Variants in NTM observed in about 807,000 individuals in gnomAD.
NTM encodes the protein IgLON family member 2.
Under a neutral mutation model 42.1 loss-of-function variants are expected in NTM, and 13 were observed. The observed-to-expected ratio is 0.31, with a 90% confidence interval of 0.20 to 0.49. The LOEUF (loss-of-function observed/expected upper bound fraction) is 0.49. Ranked by LOEUF, NTM falls within the 20% of genes least tolerant of loss-of-function variation. The pLI, the probability that NTM is intolerant of heterozygous loss-of-function variation, is 0.99. For missense variants in NTM, 373 were observed against 452.8 expected (o/e 0.82, Z 1.60); for synonymous variants, 187 against 179.2 (o/e 1.04, Z -0.35).
intron 2 of NTM, among the ~76,000 whole-genome samples, chr11:132,056,405 A>T (rs1304165293): frequency 6.6e-6 from 1 of 152,216 alleles, no homozygotes; most frequent in East Asian, 1.9e-4. Flanking sequence ...GAGATGTCCA[A>T]TACCTAAAAA....
chr11:131,837,044 T>C (rs2043590479), intron 1 of NTM, among the ~76,000 whole-genome samples: 1 of 152,200 alleles, frequency 6.6e-6, no homozygotes, highest in South Asian at 2.1e-4. Context: ...ATTTTTCACT[T>C]TGTCCTTAAA....
chr11:131,954,218 T>C (rs935608256), intron 2 of NTM, among the ~76,000 whole-genome samples: 7 of 152,194 alleles, frequency 4.6e-5, no homozygotes, highest in Admixed American at 4.6e-4. Context: ...GCATTGTAAG[T>C]AGCACAGGAC....
intron 2 of NTM, among the ~76,000 whole-genome samples, chr11:132,019,882 GGT>G (rs1266483214): frequency 6.6e-6 from 1 of 151,366 alleles, no homozygotes; most frequent in Non-Finnish European, 1.5e-5. Flanking sequence ...TACATGTGCA[GGT>G]TTGTTACAAA....
At chr11:131,646,790 A>G (rs1242778671) in intron 1 of NTM, among the ~76,000 whole-genome samples, 2 of 152,156 alleles carry the variant, frequency 1.3e-5, no homozygotes, top group African/African-American at 4.8e-5. Context: ...CCTTATCAAC[A>G]TTTGGAGTTT....
At chr11:132,224,839 A>T (rs2138923649) in intron 4 of NTM, among the ~76,000 whole-genome samples, 1 of 152,326 alleles carries the variant, frequency 6.6e-6, no homozygotes, top group South Asian at 2.1e-4. Flanking sequence ...GTGAGGGTGG[A>T]GGACAGGCTG....
intron 2 of NTM, among the ~76,000 whole-genome samples, chr11:132,099,784 A>T (rs1229760116): frequency 6.6e-6 from 1 of 152,204 alleles, no homozygotes; most frequent in Admixed American, 6.5e-5. Flanking sequence ...TTTGAGGAGA[A>T]GGTCAGGTGC....
At chr11:132,000,960 A>C (rs2069098884) in intron 2 of NTM, among the ~76,000 whole-genome samples, 1 of 152,208 alleles carries the variant, frequency 6.6e-6, no homozygotes, top group African/African-American at 2.4e-5. Context: ...AGATAAAGCG[A>C]AGTAGGAAAT....
intron 1 of NTM, among the ~76,000 whole-genome samples, chr11:131,811,396 GTGTGCACATCCCAC>G (rs2092723602): frequency 6.6e-6 from 1 of 152,180 alleles, no homozygotes; most frequent in Non-Finnish European, 1.5e-5. Flanking sequence ...CAGGATTTCA[GTGTGCACATCCCAC>G]TGACCACTAC....
chr11:132,315,352 C>A (rs2095400810), intron 7 of NTM, among the ~76,000 whole-genome samples: 1 of 152,196 alleles, frequency 6.6e-6, no homozygotes, highest in Non-Finnish European at 1.5e-5. Context: ...GACAGCTGTG[C>A]AGACATGAGC....
At chr11:132,320,261 G>A (rs1429140788) in intron 7 of NTM, among the ~76,000 whole-genome samples, 1 of 152,216 alleles carries the variant, frequency 6.6e-6, no homozygotes, top group African/African-American at 2.4e-5. Flanking sequence ...TCCATCTGAG[G>A]TACTGGGTTC....
At chr11:132,263,551 A>G (rs2092999794) in intron 4 of NTM, among the ~76,000 whole-genome samples, 2 of 152,214 alleles carry the variant, frequency 1.3e-5, no homozygotes, top group Middle Eastern at 3.2e-3. Flanking sequence ...TACATTTTGT[A>G]TAATTCGGAC....
At chr11:131,750,248 A>T (rs1199939551) in intron 1 of NTM, among the ~76,000 whole-genome samples, 2 of 152,204 alleles carry the variant, frequency 1.3e-5, no homozygotes, top group Non-Finnish European at 2.9e-5. Flanking sequence ...TTTGTCCAGG[A>T]TCTACACATC....
intron 2 of NTM, among the ~76,000 whole-genome samples, chr11:131,985,408 G>A (rs1204181122): frequency 6.6e-6 from 1 of 151,920 alleles, no homozygotes; most frequent in East Asian, 1.9e-4. Context: ...AATTAACTAG[G>A]GGCACATTAG....
chr11:132,282,952 A>G (rs548545426), intron 4 of NTM, among the ~76,000 whole-genome samples: 39 of 144,378 alleles, frequency 2.7e-4, no homozygotes, highest in Middle Eastern at 3.8e-3. Context: ...CTTGGAAGAA[A>G]TGAAACGGGA....
chr11:132,038,455 C>T (rs12289833), intron 2 of NTM, among the ~76,000 whole-genome samples: 28,606 of 152,064 alleles, frequency 0.19, 3,401 homozygotes, highest in Non-Finnish European at 0.26. Flanking sequence ...TCTAGCAGGG[C>T]TGTTTGAAAT....
chr11:131,460,119 A>T (rs913319241), intron 1 of NTM, among the ~76,000 whole-genome samples: 1 of 152,216 alleles, frequency 6.6e-6, no homozygotes, highest in Non-Finnish European at 1.5e-5. Context: ...GTCCAGAACA[A>T]ACTTTATTTC....
At chr11:131,872,852 A>G (rs565808397) in intron 1 of NTM, among the ~76,000 whole-genome samples, 5 of 152,328 alleles carry the variant, frequency 3.3e-5, no homozygotes, top group South Asian at 4.1e-4. Context: ...TCCTTTATGC[A>G]TATACCCAGT....
chr11:132,000,295 T>C (rs1302403433), intron 2 of NTM, among the ~76,000 whole-genome samples: 2 of 152,210 alleles, frequency 1.3e-5, no homozygotes, highest in African/African-American at 4.8e-5. Flanking sequence ...TTGTCAATCC[T>C]TGGGGGAGTT....
At chr11:131,657,685 C>G (rs2067385009) in intron 1 of NTM, among the ~76,000 whole-genome samples, 1 of 152,200 alleles carries the variant, frequency 6.6e-6, no homozygotes, top group South Asian at 2.1e-4. Flanking sequence ...TCGCTGGAAT[C>G]CCAGCACTAT....
Sources: allele counts gnomAD v4.1 joint callset (sites outside exome capture counted in the v4.1 genomes callset), GRCh38; gene constraint gnomAD v4.1.1; transcripts MANE v1.5; gene names NCBI Gene and HGNC (gene_info 2026-07-23, HGNC 2026-07-21).